SLC36A3: variants seen among roughly 807,000 people sequenced by gnomAD.
SLC36A3 encodes the protein solute carrier family 36 member 3.
Under a neutral mutation model 44.3 loss-of-function variants are expected in SLC36A3, and 35 were observed. The observed-to-expected ratio is 0.79, with a 90% CI of 0.60 to 1.05. The LOEUF (loss-of-function observed/expected upper bound fraction) is 1.05, where lower values mean the gene tolerates loss of function less well. Among genes scored for constraint, SLC36A3 ranks in the 50% least tolerant of loss-of-function variants. The pLI, the probability that SLC36A3 is intolerant of heterozygous loss-of-function variation, is 0.00. For missense variants in SLC36A3, 540 were observed against 578.7 expected (o/e 0.93, Z 0.69); for synonymous variants, 211 against 227.6 (o/e 0.93, Z 0.66).
chr5:151,288,192 C>G (rs763769092), intron 5 of SLC36A3, among the ~76,000 whole-genome samples, 194 bp downstream of exon 5: 12 of 152,196 alleles, frequency 7.9e-5, no homozygotes, highest in Non-Finnish European at 1.5e-4. Context: ...CTAAACTCTT[C>G]AGAAGTTACT....
At chr5:151,296,506 C>A (rs935164298) in intron 2 of SLC36A3, 4 of 568,752 alleles carry the variant, frequency 7.0e-6, no homozygotes, top group Non-Finnish European at 1.3e-5. Flanking sequence ...AGCTCATTAC[C>A]TTCCCACATA....
chr5:151,300,248 C>G (rs991551896), intron 1 of SLC36A3, among the ~76,000 whole-genome samples: 4 of 152,180 alleles, frequency 2.6e-5, no homozygotes, highest in Non-Finnish European at 5.9e-5. Context: ...AGAGTCATGG[C>G]AAGGGGCTAG....
Position 151,296,202 on chromosome 5 carries a change from A to C in SLC36A3, c.286T>G (p.Cys96Gly), listed in dbSNP as rs754127078. Residue 96 changes from cysteine to glycine, a missense_variant, in exon 3 of 10, where the codon TGT becomes GGT. Physicochemically the swap from Cys to Gly is radical, Grantham distance 159 (BLOSUM62 -3). Coordinates refer to ENST00000335230, the MANE Select transcript of SLC36A3 (RefSeq NM_181774.4). ...TVHCMVILLN[C>G]AQHLSQRLQK... ...GACCTCTGGCTGAGGTGTTGAGCACAGTTCAACAGGATGACCATGCAGTGC... is the reference window on the plus strand; with the variant it reads ...GACCTCTGGCTGAGGTGTTGAGCACCGTTCAACAGGATGACCATGCAGTGC... 6.2e-7 allele frequency: 1 copy of C among 1,614,188 alleles called. No individual in the cohort carries two copies. Among genetic ancestry groups the C allele is most frequent in the South Asian group, 1.1e-5 (1 of 91,070 alleles).
Position 151,301,725 on chromosome 5 carries a change from C to T in SLC36A3, c.128+1502G>A, listed in dbSNP as rs1480090370. ...CAGCCTGGGCGATAGAGCAAGACTC[C>T]GTCTAAAAAAAAAAAAAAAAAACCT... is the stretch of plus-strand genomic sequence containing the variant. On this transcript the variant is annotated intron_variant, in intron 1 of 9. Coordinates refer to ENST00000335230, the MANE Select transcript of SLC36A3 (RefSeq NM_181774.4). Among the ~76,000 whole-genome samples the T allele has an allele frequency of 7.8e-5, 9 of 115,836 alleles. No homozygotes were observed. In the East Asian group the frequency reaches 1.9e-3, roughly 24 times the overall value. The allele number at this position is 115,836 out of a possible 152,430, so 76.0% of individuals were successfully genotyped here.
intron 4 of SLC36A3, among the ~76,000 whole-genome samples, chr5:151,291,727 G>C (rs1413219718): frequency 2.6e-5 from 4 of 152,158 alleles, no homozygotes; most frequent in Non-Finnish European, 5.9e-5. Flanking sequence ...ATAAATATGA[G>C]ATGCTAAGAT....
Position 151,277,512 on chromosome 5 carries a change from C to A in SLC36A3, c.1294G>T (p.Asp432Tyr). The A allele has an allele frequency of 6.2e-7, 1 of 1,614,166 alleles. No individual in the cohort carries two copies. The highest frequency in any genetic ancestry group is 8.5e-7 in the Non-Finnish European group (1 of 1,180,042). ...AGGCCCACGATGCTAATCATGATGT[C>A]CTTGGCAATGGTGACACAGCTCATG... ...EDMSCVTIAK[D>Y]IMISIVGLLG... Residue 432 changes from aspartate to tyrosine, a missense_variant, in exon 10 of 10, where the codon GAC becomes TAC. Asp to Tyr is a radical substitution (Grantham distance 160). Transcript: ENST00000335230.
At chr5:151,288,730 T>C (rs1754640838) in intron 4 of SLC36A3, among the ~76,000 whole-genome samples, 1 of 151,304 alleles carries the variant, frequency 6.6e-6, no homozygotes, top group South Asian at 2.1e-4. Flanking sequence ...TATGTATATA[T>C]AGACGAATGA....
At chr5:151,295,607 C>T in intron 3 of SLC36A3, among the ~76,000 whole-genome samples, 1 of 152,210 alleles carries the variant, frequency 6.6e-6, no homozygotes, top group East Asian at 1.9e-4. Context: ...CGCTGTGGAT[C>T]TCTGCATTCT....
intron 3 of SLC36A3, among the ~76,000 whole-genome samples, chr5:151,294,722 C>T (rs527270752): frequency 1.4e-4 from 21 of 151,842 alleles, no homozygotes; most frequent in Non-Finnish European, 3.1e-4. Flanking sequence ...CTCCGCCTCC[C>T]GGGTTCAAGC....
rs1754574931 is a variant in SLC36A3 at position 151,287,347 on chromosome 5, A to C, written c.607T>G (p.Leu203Val). Residue 203 changes from leucine (L) to valine (V), a missense_variant, in exon 6 of 10, where the codon TTG becomes GTG. By Grantham distance (32) the Leu-to-Val change is conservative. Transcript: ENST00000335230. The stretch of plus-strand genomic sequence containing the variant: ...ACCTTGAGGTTCTGGATAAACACCA[A>C]CAGGATCAGGAAGGGCAGGATTATC... ...MLIILPFLIL[L>V]VFIQNLKVLS... 1.2e-6 allele frequency: 2 copies of C among 1,614,056 alleles called. No homozygotes were observed. Among genetic ancestry groups the C allele is most frequent in the Admixed American group, 3.3e-5 (2 of 59,994 alleles).
At position 151,293,429 on chromosome 5, in the gene SLC36A3, C is replaced by A. The variant is rs1048053585; in HGVS notation, c.339G>T (p.Glu113Asp). 6.2e-7 allele frequency: 1 copy of A among 1,613,696 alleles called. No individual in the cohort carries two copies. Among genetic ancestry groups the A allele is most frequent in the Non-Finnish European group, 8.5e-7 (1 of 1,179,796 alleles). ...RLQKTFVNYG[E>D]ATMYGLETCP... ...AGGTTTCAAGGCCGTACATCGTGGC[C>A]TCTCCATAGTTCACAAAAGTCTTCT... Residue 113 changes from glutamate (E) to aspartate (D), a missense_variant, in exon 4 of 10, where the codon GAG becomes GAT. Glu to Asp is a conservative substitution (Grantham distance 45). Transcript: ENST00000335230.
intron 1 of SLC36A3, among the ~76,000 whole-genome samples, chr5:151,300,683 A>G (rs555613225): frequency 1.3e-3 from 199 of 152,302 alleles, no homozygotes; most frequent in African/African-American, 4.6e-3. Context: ...ACCCATCTGG[A>G]CCTTGAAGCA....
chr5:151,294,101 C>G (rs1443744613), intron 3 of SLC36A3, among the ~76,000 whole-genome samples: 1 of 152,198 alleles, frequency 6.6e-6, no homozygotes, highest in Non-Finnish European at 1.5e-5. Context: ...AGAGGAAGGG[C>G]TCCAGCCTTC....
chr5:151,295,775 C>T (rs1754936656), intron 3 of SLC36A3, among the ~76,000 whole-genome samples: 1 of 152,140 alleles, frequency 6.6e-6, no homozygotes, highest in Admixed American at 6.5e-5. Context: ...ACTAACATTG[C>T]ATGGACCAAA....
chr5:151,279,244 TTC>T (rs1754219837), intron 9 of SLC36A3, among the ~76,000 whole-genome samples: 1 of 152,228 alleles, frequency 6.6e-6, no homozygotes, highest in Non-Finnish European at 1.5e-5. Context: ...AGAGTGTGTC[TTC>T]TACTTACGAT....
chr5:151,284,741 G>T, intron 6 of SLC36A3, 30 bp from the exon 7 acceptor site: 1 of 1,562,542 alleles, frequency 6.4e-7, no homozygotes, highest in Non-Finnish European at 8.8e-7. Flanking sequence ...GCACATTGGT[G>T]TTGTTATGGT....
intron 3 of SLC36A3, 63 bp from the exon 4 acceptor site, chr5:151,293,522 C>A: frequency 7.5e-7 from 1 of 1,332,760 alleles, no homozygotes; most frequent in Non-Finnish European, 1.0e-6. Flanking sequence ...CAGTTTTCTC[C>A]CAAAGTGAGT....
chr5:151,293,374 C>A lies in SLC36A3; in HGVS notation c.394G>T (p.Val132Leu). Residue 132 changes from valine to leucine, a missense_variant, in exon 4 of 10, where the codon GTG becomes TTG. By Grantham distance (32) the Val-to-Leu change is conservative (BLOSUM62 1). Transcript: ENST00000335230. Reference sequence around the variant, plus strand: ...ATCTGTGACTACTACCTTCCCCACACTGCATGGGCCCTCAGCCAGGTGTTC... The same window carrying A: ...ATCTGTGACTACTACCTTCCCCACAATGCATGGGCCCTCAGCCAGGTGTTC... ...CPNTWLRAHA[V>L]WGRYTVSFLL... is the part of the protein sequence containing the mutation. The A allele has an allele frequency of 6.2e-7, 1 of 1,613,450 alleles. No homozygotes were observed. The highest frequency in any genetic ancestry group is 8.5e-7 in the Non-Finnish European group (1 of 1,179,594).
chr5:151,277,781 C>G, intron 9 of SLC36A3, 120 bp from the exon 10 acceptor site: 1 of 1,305,430 alleles, frequency 7.7e-7, no homozygotes, highest in Non-Finnish European at 1.0e-6. Context: ...AGGGAGCCTA[C>G]TGCAGGCTTG....
Sources: gnomAD v4.1 joint callset for allele counts (sites outside exome capture counted in the v4.1 genomes callset) on GRCh38, gnomAD v4.1.1 for gene constraint, MANE v1.5 for transcripts, NCBI Gene and HGNC (gene_info 2026-07-23, HGNC 2026-07-21) for gene names.